ABCA4: variants seen among roughly 807,000 people sequenced by gnomAD.
ABCA4 encodes the protein ATP binding cassette subfamily A member 4, also known as retinal-specific phospholipid-transporting ATPase ABCA4.
ABCA4 carries 196 observed loss-of-function variants against 263.7 expected under a neutral mutation model. The ratio of observed to expected loss-of-function variants is 0.74; its 90% CI spans 0.66 to 0.84. ABCA4 has a LOEUF of 0.84. Ranked by LOEUF, ABCA4 falls within the 40% of genes least tolerant of loss-of-function variation. ABCA4 has a pLI of 0.00. For missense variants in ABCA4, 2,792 were observed against 2,855.1 expected, an observed-to-expected ratio of 0.98 and a Z score of 0.50; for synonymous variants, 1,133 against 1,094.2, an observed-to-expected ratio of 1.04 and a Z score of -0.70.
chr1:94,004,018 C>A (rs1016866610), intron 44 of ABCA4, among the ~76,000 whole-genome samples: 2 of 152,116 alleles, frequency 1.3e-5, no homozygotes, highest in African/African-American at 4.8e-5. Flanking sequence ...GCCATTCCAG[C>A]CCTGGAACTT....
chr1:94,049,383 T>G (rs1029071054), intron 17 of ABCA4, among the ~76,000 whole-genome samples: 3 of 152,192 alleles, frequency 2.0e-5, no homozygotes, highest in Non-Finnish European at 2.9e-5. Context: ...CCCAGCACTT[T>G]GGGAGGCCAA....
rs11804569 is a variant in ABCA4 at position 94,002,647 on chromosome 1, A to G, written c.6148-655T>C. 0.13 allele frequency among the ~76,000 whole-genome samples: 19,431 copies of G among 152,128 alleles called. 2,081 individuals are homozygous for G. The highest frequency in any genetic ancestry group is 0.29 in the African/African-American group (12,140 of 41,446). ...CAAGCTCACCATGCTTCTGCCTTCT[A>G]TACTAGTCCCCCGTGCCTGGAATGT... is the stretch of plus-strand genomic sequence containing the variant. On this transcript the variant is annotated intron_variant, in intron 44 of 49. Coordinates refer to ENST00000370225, the MANE Select transcript of ABCA4 (RefSeq NM_000350.3).
intron 11 of ABCA4, among the ~76,000 whole-genome samples, chr1:94,071,489 C>A (rs1252253437): frequency 6.6e-6 from 1 of 152,250 alleles, no homozygotes; most frequent in Non-Finnish European, 1.5e-5. Flanking sequence ...GCTTTCTCAT[C>A]AGAGCCAGGC....
intron 26 of ABCA4, 56 bp downstream of exon 26, chr1:94,036,684 A>T: frequency 6.3e-7 from 1 of 1,579,884 alleles, no homozygotes; most frequent in Non-Finnish European, 8.7e-7. Context: ...GACTTTCGAG[A>T]TGGAACTTGG....
rs565565317 is a variant in ABCA4, at chr1:94,020,979, G to A, written c.5018+261C>T. Reference sequence around the variant, plus strand: ...GATAATAATTGTATAAGCTCCAGGAGCAACTTGCTATCAAAAGCCAAAAGG... The same window carrying A: ...GATAATAATTGTATAAGCTCCAGGAACAACTTGCTATCAAAAGCCAAAAGG... On this transcript the variant is annotated intron_variant, in intron 35 of 49. Transcript: ENST00000370225. Among the ~76,000 whole-genome samples the A allele has an allele frequency of 2.6e-5, 4 of 152,354 alleles. No homozygotes were observed. In the East Asian group the frequency reaches 7.7e-4, roughly 29 times the overall value.
chr1:94,112,833 T>C (rs1662646886), intron 2 of ABCA4, 140 bp downstream of exon 2: 1 of 737,502 alleles, frequency 1.4e-6, no homozygotes, highest in Non-Finnish European at 2.4e-6. Context: ...GTAACATTGA[T>C]AAATCTGTTA....
In ABCA4 at chr1:94,001,226, C is replaced by T. The variant is rs573047174; in HGVS notation, c.6283-121G>A. 1.0e-5 allele frequency: 8 copies of T among 770,118 alleles called. No homozygotes were observed. In the East Asian group the frequency reaches 2.1e-4, roughly 20 times the overall value. 47.7% of individuals were successfully genotyped at this position (770,118 alleles called of 1,614,324 possible). A position where few individuals can be genotyped will look rare whatever the true frequency, so the allele number is the denominator to read the frequency against. On this transcript the variant is annotated intron_variant, in intron 45 of 49. Coordinates refer to ENST00000370225, the MANE Select transcript of ABCA4 (RefSeq NM_000350.3). ...GACAGAAGGCGCACACAGTCACTCC[C>T]CTCACTTGAGCAAGACAGGGGTACC... is the stretch of plus-strand genomic sequence containing the variant.
chr1:94,050,310 C>A (rs560797091), intron 17 of ABCA4, among the ~76,000 whole-genome samples: 19 of 152,210 alleles, frequency 1.2e-4, no homozygotes, highest in Non-Finnish European at 2.4e-4. Flanking sequence ...TCCTGCCAGG[C>A]AATGCATGTG....
At position 94,041,268 on chromosome 1, in the gene ABCA4, A is replaced by C. The variant is rs1660478379; in HGVS notation, c.3463T>G (p.Leu1155Val). Reference sequence around the variant, plus strand: ...ATCTTGCGCACCAAGGTTAAGTACAAGCCTGTGCCAAAGCAGTTCTTCAGG... The same window carrying C: ...ATCTTGCGCACCAAGGTTAAGTACACGCCTGTGCCAAAGCAGTTCTTCAGG... ...LFLKNCFGTG[L>V]YLTLVRKMKN... Residue 1155 changes from leucine (L) to valine (V), a missense_variant, in exon 23 of 50, where the codon TTG becomes GTG. Transcript: ENST00000370225. The C allele has an allele frequency of 6.2e-7, 1 of 1,614,048 alleles. No homozygotes were observed. The highest frequency in any genetic ancestry group is 1.3e-5 in the African/African-American group (1 of 74,920).
In ABCA4 at chr1:94,031,072, C is replaced by A; in HGVS notation, c.4177G>T (p.Val1393Phe). 1 of 1,614,078 alleles carries A rather than the reference C, an allele frequency of 6.2e-7. No individual in the cohort carries two copies. The highest frequency in any genetic ancestry group is 8.5e-7 in the Non-Finnish European group (1 of 1,179,990). The change falls in exon 28 of 50, where the codon GTT becomes TTT. Residue 1393 changes from valine (V) to phenylalanine (F), a missense_variant. Physicochemically the swap from Val to Phe is conservative, Grantham distance 50. Transcript: ENST00000370225. ...GGGTATTCGCCAAAAGGAGGGATAA[C>A]AATAGAAAGCATCAGAGCCAAAAAC... ...FVFLALMLSI[V>F]IPPFGEYPAL...
intron 1 of ABCA4, among the ~76,000 whole-genome samples, chr1:94,115,374 G>T (rs1203276994): frequency 1.3e-5 from 2 of 152,186 alleles, no homozygotes; most frequent in African/African-American, 2.4e-5. Flanking sequence ...GCTGATTTGG[G>T]AGTTAGTGGG....
At chr1:94,072,363 A>T (rs1661423638) in intron 11 of ABCA4, among the ~76,000 whole-genome samples, 1 of 152,230 alleles carries the variant, frequency 6.6e-6, no homozygotes, top group Non-Finnish European at 1.5e-5. Flanking sequence ...ATCTGGCTGA[A>T]TTCAGCTTCC....
At chr1:94,066,428 A>G (rs1661269250) in intron 11 of ABCA4, among the ~76,000 whole-genome samples, 2 of 152,260 alleles carry the variant, frequency 1.3e-5, no homozygotes, top group African/African-American at 4.8e-5. Flanking sequence ...ATTGGCAATT[A>G]GAGTGAATCT....
chr1:94,009,580 T>C (rs1571248686), intron 40 of ABCA4, among the ~76,000 whole-genome samples: 1 of 152,204 alleles, frequency 6.6e-6, no homozygotes, highest in African/African-American at 2.4e-5. Flanking sequence ...CCTCCGCATG[T>C]GTTTCCAGTC....
chr1:94,056,852 T>G (rs1660997623), intron 14 of ABCA4, 30 bp from the exon 15 acceptor site: 1 of 1,551,416 alleles, frequency 6.4e-7, no homozygotes, highest in East Asian at 2.4e-5. Context: ...CGTCAGTAAC[T>G]CCTGCCCTTG....
At chr1:94,002,153 A>C (rs1483344458) in intron 44 of ABCA4, among the ~76,000 whole-genome samples, 161 bp from the exon 45 acceptor site, 1 of 152,160 alleles carries the variant, frequency 6.6e-6, no homozygotes, top group East Asian at 1.9e-4. Flanking sequence ...CATGTGCTTC[A>C]GGCGCCAGAC....
At chr1:94,031,634 GA>G in intron 27 of ABCA4, 143 bp downstream of exon 27, 1 of 1,156,986 alleles carries the variant, frequency 8.6e-7, no homozygotes. Flanking sequence ...TAAGGGTTTG[GA>G]AAGCAGGAAA....
intron 1 of ABCA4, among the ~76,000 whole-genome samples, chr1:94,117,037 TTTC>T (rs1340707487): frequency 1.0e-4 from 15 of 148,148 alleles, no homozygotes; most frequent in African/African-American, 5.0e-5. Context: ...CTTTTCTTTC[TTTC>T]TTCTTCTTTC....
rs748585116 is a variant in ABCA4, at chr1:94,043,426, A to T, written c.3100T>A (p.Ser1034Thr). 1 of 1,614,052 alleles carries T rather than the reference A, an allele frequency of 6.2e-7. No individual in the cohort carries two copies. The highest frequency in any genetic ancestry group is 8.5e-7 in the Non-Finnish European group (1 of 1,180,022). Residue 1034 changes from serine to threonine, a missense_variant, in exon 21 of 50, where the codon TCC (serine) becomes ACC (threonine). Physicochemically the swap from Ser to Thr is moderately conservative, Grantham distance 58. Transcript: ENST00000370225. The stretch of plus-strand genomic sequence containing the variant: ...ATCTCCAGCTGGGCCTCCTCCTGGG[A>T]CTTTCCTTTCAGCTGGGCATAGAAC... ...MLFYAQLKGK[S>T]QEEAQLEMEA... is the part of the protein sequence containing the mutation.
Sources: allele counts gnomAD v4.1 joint callset (sites outside exome capture counted in the v4.1 genomes callset), GRCh38; gene constraint gnomAD v4.1.1; transcripts MANE v1.5; gene names NCBI Gene and HGNC (gene_info 2026-07-23, HGNC 2026-07-21).